Variants in ANKRD26 observed in about 807,000 individuals in gnomAD.
ANKRD26 encodes ankyrin repeat domain-containing protein 26.
ANKRD26 carries 141 observed loss-of-function variants against 208.7 expected under a neutral mutation model. The observed-to-expected ratio is 0.68, with a 90% CI of 0.59 to 0.78. The LOEUF is 0.78. Ranked by LOEUF, ANKRD26 falls within the 30% of genes least tolerant of loss-of-function variation. The pLI, the probability that ANKRD26 is intolerant of heterozygous loss-of-function variation, is 0.00. For missense variants in ANKRD26, 1,889 were observed against 1,938.7 expected, an observed-to-expected ratio of 0.97 and a Z score of 0.48; for synonymous variants, 636 against 660.4, an observed-to-expected ratio of 0.96 and a Z score of 0.57.
intron 4 of ANKRD26, among the ~76,000 whole-genome samples, chr10:26,996,227 T>TCTTGAGAC (rs1564339343): frequency 6.6e-6 from 1 of 151,852 alleles, no homozygotes; most frequent in African/African-American, 2.4e-5. Flanking sequence ...AGAGAGAATA[T>TCTTGAGAC]CTTGAGACCA....
intron 24 of ANKRD26, among the ~76,000 whole-genome samples, chr10:27,034,000 G>T (rs187533457): frequency 2.0e-5 from 3 of 152,224 alleles, no homozygotes. Context: ...ATCACAAATC[G>T]CTACACTTAC....
At chr10:26,954,479 T>C in the ANKRD26 span, among the ~76,000 whole-genome samples, 1 of 152,184 alleles carries the variant, frequency 6.6e-6, no homozygotes, top group Non-Finnish European at 1.5e-5. Flanking sequence ...CTTGTTTCTC[T>C]TGCTTAAAAA....
chr10:27,052,103 T>A (rs1391332256), intron 16 of ANKRD26: 5 of 985,252 alleles, frequency 5.1e-6, no homozygotes, highest in Non-Finnish European at 6.0e-6. Flanking sequence ...GTTTTTCAGA[T>A]GTCTTTTCTG....
intron 4 of ANKRD26, among the ~76,000 whole-genome samples, 164 bp from the exon 5 acceptor site, chr10:27,086,773 T>TG (rs1301446347): frequency 5.1e-5 from 7 of 138,504 alleles, no homozygotes; most frequent in African/African-American, 1.7e-4. Flanking sequence ...TTTTTGTTTT[T>TG]TTTTTTTTTT....
chr10:27,097,647 T>C (rs1397737936), intron 1 of ANKRD26, among the ~76,000 whole-genome samples: 1 of 151,980 alleles, frequency 6.6e-6, no homozygotes, highest in African/African-American at 2.4e-5. Context: ...TTTTTTTTGT[T>C]TTGTTTTGTT....
At chr10:27,085,139 C>G (rs1167688982) in intron 5 of ANKRD26, among the ~76,000 whole-genome samples, 1 of 151,094 alleles carries the variant, frequency 6.6e-6, no homozygotes. Context: ...CTCGCTCTGT[C>G]ACCCAGGCTG....
At chr10:27,064,137 A>G in intron 11 of ANKRD26, 56 bp from the exon 12 acceptor site, 2 of 1,225,480 alleles carry the variant, frequency 1.6e-6, no homozygotes, top group East Asian at 2.3e-5. Flanking sequence ...ATGAATTGCT[A>G]AAGATTTTCT....
chr10:26,961,342 G>A, the ANKRD26 span, among the ~76,000 whole-genome samples: 1 of 151,988 alleles, frequency 6.6e-6, no homozygotes, highest in South Asian at 2.1e-4. Context: ...ACTTAAAATA[G>A]AATAAAATAA....
chr10:27,066,234 CCTTTT>C (rs1032324596), intron 11 of ANKRD26: 25 of 296,632 alleles, frequency 8.4e-5, no homozygotes, highest in Admixed American at 1.0e-4. Flanking sequence ...GACTTCTAAG[CCTTTT>C]CTTTTCTTTT....
chr10:27,034,836 T>C lies in ANKRD26; in HGVS notation c.3614A>G (p.Glu1205Gly), dbSNP rs756761637. 1 of 1,611,594 alleles carries C rather than the reference T, an allele frequency of 6.2e-7. No individual in the cohort carries two copies. The highest frequency in any genetic ancestry group is 2.2e-5 in the East Asian group (1 of 44,858). The change falls in exon 24 of 34, where the codon GAA becomes GGA. Residue 1205 changes from glutamate to glycine, a missense_variant. By Grantham distance (98) the Glu-to-Gly change is moderately conservative. Around this residue, in one of 3 missense-constraint regions of ANKRD26, gnomAD observed 613 missense variants for 648.2 expected, o/e 0.95. Coordinates refer to ENST00000376087, the MANE Select transcript of ANKRD26 (RefSeq NM_014915.3). The stretch of plus-strand genomic sequence containing the variant: ...TTCATTTTCATATTGATACTGTCTT[T>C]CTTTTAAGTGATTACATTCACTGAT... ...ELISECNHLK[E>G]RQYQYENEKA... is the part of the protein sequence containing the mutation.
intron 5 of ANKRD26, among the ~76,000 whole-genome samples, chr10:26,979,477 C>A (rs2052276032): frequency 6.6e-6 from 1 of 152,036 alleles, no homozygotes; most frequent in African/African-American, 2.4e-5. Context: ...GGGTGCTAAA[C>A]CTGACAAAAC....
In ANKRD26 at chr10:27,064,449, C is replaced by T. The variant is rs1305624292; in HGVS notation, c.1270-368G>A. Among the ~76,000 whole-genome samples, 5 of 152,200 alleles carry T rather than the reference C, an allele frequency of 3.3e-5. No individual in the cohort carries two copies. In the East Asian group the frequency reaches 7.7e-4, roughly 24 times the overall value. On this transcript the variant is annotated intron_variant, in intron 11 of 33. Coordinates refer to ENST00000376087, the MANE Select transcript of ANKRD26 (RefSeq NM_014915.3). The stretch of plus-strand genomic sequence containing the variant: ...AAAATAAGAGGGGAGCTTCTCTGAA[C>T]TTATTCCGGTTCGGGGGATGCCTGA...
chr10:26,951,000 TTTC>T, the ANKRD26 span, among the ~76,000 whole-genome samples: 5 of 107,648 alleles, frequency 4.6e-5, no homozygotes, highest in Non-Finnish European at 1.0e-4. Context: ...CCTTTTCTTT[TTTC>T]TTTTCTTTTC....
Position 27,048,931 on chromosome 10 carries a change from C to T in ANKRD26, c.1684G>A (p.Ala562Thr), listed in dbSNP as rs370689749. 1.2e-6 allele frequency: 2 copies of T among 1,610,808 alleles called. No homozygotes were observed. Among genetic ancestry groups the T allele is most frequent in the Non-Finnish European group, 1.7e-6 (2 of 1,178,328 alleles). ...TCAGTAGCACCATCATGTATGTTTGCTGATACTTCCATTTCATTATTTCTG... is the reference window on the plus strand; with the variant it reads ...TCAGTAGCACCATCATGTATGTTTGTTGATACTTCCATTTCATTATTTCTG... ...KHRNNEMEVS[A>T]NIHDGATDDA... Residue 562 changes from alanine to threonine, a missense_variant, in exon 17 of 34, where the codon GCA (alanine) becomes ACA (threonine). Physicochemically the swap from Ala to Thr is moderately conservative, Grantham distance 58 (BLOSUM62 0). Coordinates refer to ENST00000376087, the MANE Select transcript of ANKRD26 (RefSeq NM_014915.3).
intron 20 of ANKRD26, among the ~76,000 whole-genome samples, chr10:27,042,238 G>A (rs1157730113): frequency 6.6e-6 from 1 of 152,130 alleles, no homozygotes; most frequent in Non-Finnish European, 1.5e-5. Flanking sequence ...GGAACAATAT[G>A]TCCATATCCA....
chr10:27,064,297 A>G (rs2135472347), intron 11 of ANKRD26, among the ~76,000 whole-genome samples: 1 of 152,308 alleles, frequency 6.6e-6, no homozygotes, highest in East Asian at 1.9e-4. Context: ...TCAGATGGCT[A>G]TTGACTCTGC....
intron 29 of ANKRD26, among the ~76,000 whole-genome samples, chr10:27,020,359 G>A (rs1469559390): frequency 6.6e-6 from 1 of 151,890 alleles, no homozygotes; most frequent in Non-Finnish European, 1.5e-5. Flanking sequence ...TATTCGCCCT[G>A]TGGTGCTATA....
chr10:26,977,880 T>C (rs2052250471), intron 5 of ANKRD26, among the ~76,000 whole-genome samples: 1 of 152,212 alleles, frequency 6.6e-6, no homozygotes, highest in African/African-American at 2.4e-5. Context: ...TAATCCCATG[T>C]TGCATAATCA....
intron 9 of ANKRD26, among the ~76,000 whole-genome samples, chr10:27,075,872 T>C (rs1400213070): frequency 6.6e-6 from 1 of 152,160 alleles, no homozygotes; most frequent in African/African-American, 2.4e-5. Context: ...TCTTAATAAA[T>C]TTTAAAAAAC....
Sources: gnomAD v4.1 joint callset for allele counts (sites outside exome capture counted in the v4.1 genomes callset) on GRCh38, gnomAD v4.1.1 for gene constraint, gnomAD v4.1.1 regional missense constraint, MANE v1.5 for transcripts, NCBI Gene and HGNC (gene_info 2026-07-23, HGNC 2026-07-21) for gene names.